KIF3C: variants seen among roughly 807,000 people sequenced by gnomAD.
KIF3C encodes the protein kinesin family member 3C.
In KIF3C, 12 loss-of-function variants were observed where a neutral mutation model predicts 67.7. That is an observed-to-expected ratio of 0.18 (90% CI 0.11 to 0.29). The LOEUF (loss-of-function observed/expected upper bound fraction) is 0.29, where lower values mean the gene tolerates loss of function less well. Ranked by LOEUF, KIF3C falls within the 10% of genes least tolerant of loss-of-function variation. The pLI, the probability that KIF3C is intolerant of heterozygous loss-of-function variation, is 1.00. For synonymous variants in KIF3C, 393 were observed against 426.2 expected (o/e 0.92, Z 0.96); for missense variants, 789 against 1,059.6 (o/e 0.74, Z 3.55).
chr2:25,971,696 A>G (rs1664287487), intron 1 of KIF3C, among the ~76,000 whole-genome samples: 1 of 151,678 alleles, frequency 6.6e-6, no homozygotes, highest in African/African-American at 2.4e-5. Flanking sequence ...GTGGAAAGAG[A>G]GACCATTTTG....
chr2:25,951,576 A>G lies in KIF3C; in HGVS notation c.2006+213T>C, dbSNP rs568050677. The G allele has an allele frequency of 2.2e-5, 11 of 505,844 alleles. No homozygotes were observed. The Admixed American group carries it at 2.6e-4, about 12-fold the overall frequency. 31.3% of individuals were successfully genotyped at this position (505,844 alleles called of 1,614,324 possible). A position where few individuals can be genotyped will look rare whatever the true frequency, so the allele number is the denominator to read the frequency against. On this transcript the variant is annotated intron_variant, in intron 5 of 7. Coordinates refer to ENST00000264712, the MANE Select transcript of KIF3C (RefSeq NM_002254.8). ...AAGGTATTTTCTGCATCCCAGGCCA[A>G]TGAGACACTTTTTTTCCCAGAACAC...
intron 5 of KIF3C, among the ~76,000 whole-genome samples, chr2:25,943,360 G>C (rs1663344725): frequency 6.6e-6 from 1 of 152,060 alleles, no homozygotes; most frequent in Non-Finnish European, 1.5e-5. Context: ...TGAAATGAGG[G>C]ACATGGGGCA....
chr2:25,970,432 C>T (rs1401714485), intron 1 of KIF3C, among the ~76,000 whole-genome samples: 4 of 151,960 alleles, frequency 2.6e-5, no homozygotes, highest in African/African-American at 9.7e-5. Context: ...CTTTGGGAGG[C>T]CGAGGCAGGC....
At position 25,928,304 on chromosome 2, in the gene KIF3C, T is replaced by A. The variant is rs1479751498; in HGVS notation, c.*674A>T. ...GTAATTGCTTGGTCCACAGTTCCCATCCAAGGTGGGCAGAAAGCAGAGTTT... is the reference window on the plus strand; with the variant it reads ...GTAATTGCTTGGTCCACAGTTCCCAACCAAGGTGGGCAGAAAGCAGAGTTT... On this transcript the variant is annotated 3_prime_UTR_variant, in exon 8 of 8. Coordinates refer to ENST00000264712, the MANE Select transcript of KIF3C (RefSeq NM_002254.8). The A allele has an allele frequency of 6.6e-6, 1 of 152,270 alleles. No individual in the cohort carries two copies. The highest frequency in any genetic ancestry group is 1.5e-5 in the Non-Finnish European group (1 of 68,112). 9.4% of individuals were successfully genotyped at this position (152,270 alleles called of 1,614,324 possible).
At chr2:25,946,840 G>C (rs951997180) in intron 5 of KIF3C, among the ~76,000 whole-genome samples, 1 of 151,056 alleles carries the variant, frequency 6.6e-6, no homozygotes, top group African/African-American at 2.4e-5. Flanking sequence ...GGGACAGAGC[G>C]AGACTCCATC....
chr2:25,970,723 G>A (rs1042408301), intron 1 of KIF3C, among the ~76,000 whole-genome samples: 3 of 147,162 alleles, frequency 2.0e-5, no homozygotes, highest in South Asian at 4.4e-4. Flanking sequence ...CATTAAGCAC[G>A]CATGGAAGAA....
At chr2:25,962,513 G>A (rs1663972473) in intron 1 of KIF3C, among the ~76,000 whole-genome samples, 1 of 151,046 alleles carries the variant, frequency 6.6e-6, no homozygotes. Context: ...CAAGTAGCTG[G>A]GATTACAGGC....
intron 4 of KIF3C, among the ~76,000 whole-genome samples, chr2:25,952,935 C>A (rs550949367): frequency 1.1e-4 from 16 of 152,258 alleles, no homozygotes; most frequent in African/African-American, 3.6e-4. Flanking sequence ...ATACCCCATT[C>A]TCCATGATGT....
chr2:25,963,469 A>C (rs1196891650), intron 1 of KIF3C, among the ~76,000 whole-genome samples: 2 of 150,226 alleles, frequency 1.3e-5, no homozygotes, highest in African/African-American at 2.4e-5. Context: ...CTGTGATCAC[A>C]GGTGTGAGCC....
rs1213063487 is a variant in KIF3C at position 25,943,829 on chromosome 2, C to A, written c.2006+7960G>T. ...GGGGTGAGCCAAGATTGCGCAATTG[C>A]ACTTTAGCATGGGCAACAACAGCAA... On this transcript the variant is annotated intron_variant, in intron 5 of 7. Transcript: ENST00000264712. Among the ~76,000 whole-genome samples the A allele has an allele frequency of 2.0e-5, 3 of 151,250 alleles. No homozygotes were observed. In the East Asian group the frequency reaches 5.8e-4, roughly 29 times the overall value.
intron 1 of KIF3C, among the ~76,000 whole-genome samples, chr2:25,960,505 T>C (rs576780717): frequency 6.6e-6 from 1 of 152,278 alleles, no homozygotes. Context: ...ACATGCTCTC[T>C]CGCCTGTAAG....
In KIF3C at chr2:25,954,928, G is replaced by A. The variant is rs963309598; in HGVS notation, c.1771-543C>T. ...AAAGCCACTGAGGGCTGGGTCCGTG[G>A]TAACTGCCACAGTGGCAGTGCCTCT... On this transcript the variant is annotated intron_variant, in intron 3 of 7. Coordinates refer to ENST00000264712, the MANE Select transcript of KIF3C (RefSeq NM_002254.8). Among the ~76,000 whole-genome samples, 17 of 152,304 alleles carry A rather than the reference G, an allele frequency of 1.1e-4. No individual in the cohort carries two copies. The South Asian group carries it at 2.3e-3, about 20-fold the overall frequency.
chr2:25,971,883 T>TTTTTTTTTC, intron 1 of KIF3C, among the ~76,000 whole-genome samples: 1 of 139,312 alleles, frequency 7.2e-6, no homozygotes, highest in Non-Finnish European at 1.6e-5. Flanking sequence ...TTTTTTTTTT[T>TTTTTTTTTC]TTTTTTTTTT....
Position 25,950,894 on chromosome 2 carries a change from T to TA in KIF3C, c.2006+894dup, listed in dbSNP as rs10561610. Among the ~76,000 whole-genome samples the TA allele has an allele frequency of 4.6e-3, 613 of 134,530 alleles. 2 individuals are homozygous for TA. The highest frequency in any genetic ancestry group is 0.011 in the East Asian group (49 of 4,384). 88.3% of individuals were successfully genotyped at this position (134,530 alleles called of 152,430 possible). On this transcript the variant is annotated intron_variant, in intron 5 of 7. Transcript: ENST00000264712. The stretch of plus-strand genomic sequence containing the variant: ...AAATAGGCATCTAAGCTATAGTTGT[T>TA]AAAAAAAAAAAAAAGAAGAAGAAAA...
intron 5 of KIF3C, among the ~76,000 whole-genome samples, chr2:25,933,541 AG>A (rs2090479518): frequency 6.6e-6 from 1 of 151,876 alleles, no homozygotes; most frequent in Non-Finnish European, 1.5e-5. Flanking sequence ...AGGGTATGGT[AG>A]CACACACCTG....
At chr2:25,979,093 G>C (rs1486120587) in intron 1 of KIF3C, among the ~76,000 whole-genome samples, 1 of 152,150 alleles carries the variant, frequency 6.6e-6, no homozygotes, top group African/African-American at 2.4e-5. Context: ...CCACATTCCT[G>C]AGAAGGAATA....
rs1190802082 is a variant in KIF3C, at chr2:25,980,920, T to A, written c.998A>T (p.Asn333Ile). 6.2e-7 allele frequency: 1 copy of A among 1,614,204 alleles called. No individual in the cohort carries two copies. Among genetic ancestry groups the A allele is most frequent in the South Asian group, 1.1e-5 (1 of 91,086 alleles). Residue 333 changes from asparagine to isoleucine, a missense_variant, in exon 1 of 8, where the codon AAT (asparagine) becomes ATT (isoleucine). Physicochemically the swap from Asn to Ile is moderately radical, Grantham distance 149. Around this residue, in one of 2 missense-constraint regions of KIF3C, gnomAD observed 648 missense variants for 807.8 expected, o/e 0.80. Coordinates refer to ENST00000264712, the MANE Select transcript of KIF3C (RefSeq NM_002254.8). This position sits in a 1 kb window ranked among gnomAD's most constrained non-coding sequence, Gnocchi z 7.6. ...TRLLQDSLGGNAKTIMVATLG... is the reference protein window; with the variant it reads ...TRLLQDSLGGIAKTIMVATLG... ...TGTGGCTACCATGATGGTCTTGGCA[T>A]TCCCCCCCAGGGAGTCCTGGAGCAG...
At chr2:25,950,546 A>G (rs752205438) in intron 5 of KIF3C, among the ~76,000 whole-genome samples, 1 of 152,114 alleles carries the variant, frequency 6.6e-6, no homozygotes, top group African/African-American at 2.4e-5. Context: ...TAAGCATAAG[A>G]TAACCCTTCA....
chr2:25,936,051 C>T (rs1195620150), intron 5 of KIF3C, among the ~76,000 whole-genome samples: 1 of 151,564 alleles, frequency 6.6e-6, no homozygotes, highest in African/African-American at 2.4e-5. Context: ...CACGCCACTA[C>T]ACTCCAGCCT....
Sources: gnomAD v4.1 joint callset for allele counts (sites outside exome capture counted in the v4.1 genomes callset) on GRCh38, gnomAD v4.1.1 for gene constraint, gnomAD v4.1.1 regional missense constraint, Gnocchi (gnomAD v3.1) non-coding constraint, MANE v1.5 for transcripts, NCBI Gene and HGNC (gene_info 2026-07-23, HGNC 2026-07-21) for gene names.